MEGF9: variants seen among roughly 807,000 people sequenced by gnomAD.
The protein encoded by MEGF9 is multiple epidermal growth factor-like domains protein 9.
A neutral mutation model predicts 46.8 loss-of-function variants in MEGF9; 6 were observed. That is an observed-to-expected ratio of 0.13 (90% CI 0.07 to 0.25). The LOEUF is 0.25. Ranked by LOEUF, MEGF9 falls within the 10% of genes least tolerant of loss-of-function variation. MEGF9 has a pLI of 1.00. For synonymous variants in MEGF9, 302 were observed against 330.7 expected (o/e 0.91, Z 0.94); for missense variants, 683 against 792.4 (o/e 0.86, Z 1.66).
rs971417928 is a variant in MEGF9, at chr9:120,714,425, A to ACCG, written c.-70_-68dup. 7 of 1,198,378 alleles carry ACCG rather than the reference A, an allele frequency of 5.8e-6. No individual in the cohort carries two copies. The South Asian group carries it at 1.1e-4, about 19-fold the overall frequency. 74.2% of individuals were successfully genotyped at this position (1,198,378 alleles called of 1,614,324 possible). A position where few individuals can be genotyped will look rare whatever the true frequency, so the allele number is the denominator to read the frequency against. ...CAATCCGACCAAGGAAGCCTCCGCA[A>ACCG]CCGCCGCCGCCACCGCCACCGGGCG... On this transcript the variant is annotated 5_prime_UTR_variant, in exon 1 of 6. Transcript: ENST00000373930.
intron 2 of MEGF9, among the ~76,000 whole-genome samples, chr9:120,625,945 GTCTC>G (rs754730232): frequency 6.6e-6 from 1 of 151,634 alleles, no homozygotes; most frequent in Non-Finnish European, 1.5e-5. Flanking sequence ...CCCTTTCATG[GTCTC>G]TCTCTGTTAA....
chr9:120,672,681 GA>G (rs1252789264), intron 1 of MEGF9, among the ~76,000 whole-genome samples: 1 of 151,990 alleles, frequency 6.6e-6, no homozygotes, highest in Non-Finnish European at 1.5e-5. Flanking sequence ...AGCTTATGTA[GA>G]AAAAAATGTT....
chr9:120,607,700 T>C (rs774038445), intron 5 of MEGF9, 41 bp downstream of exon 5: 2 of 1,596,906 alleles, frequency 1.3e-6, no homozygotes, highest in Admixed American at 3.4e-5. Flanking sequence ...TCACTGCTAG[T>C]TTTAGATATT....
intron 1 of MEGF9, among the ~76,000 whole-genome samples, chr9:120,675,101 T>A (rs1242170674): frequency 6.6e-6 from 1 of 152,150 alleles, no homozygotes; most frequent in African/African-American, 2.4e-5. Flanking sequence ...CTCCCAGGTA[T>A]CTACCCAAGA....
rs376092428 is a variant in MEGF9, at chr9:120,612,496, A to G, written c.987T>C (p.Cys329=). 94 of 1,612,248 alleles carry G rather than the reference A, an allele frequency of 5.8e-5. No individual in the cohort carries two copies. The highest frequency in any genetic ancestry group is 7.5e-5 in the Non-Finnish European group (88 of 1,178,910). The change falls in exon 4 of 6, where the codon TGT becomes TGC. Residue 329 remains cysteine, a synonymous_variant. Transcript: ENST00000373930. ...GATAAAATCCTTCTTTACATTCTTCACAGTGATTTCCTTTGCTATTTTCCT... is the reference window on the plus strand; with the variant it reads ...GATAAAATCCTTCTTTACATTCTTCGCAGTGATTTCCTTTGCTATTTTCCT... ...NCQENSKGNH[C]EECKEGFYQS...
intron 1 of MEGF9, among the ~76,000 whole-genome samples, chr9:120,711,995 G>A (rs1196488960): frequency 6.6e-6 from 1 of 152,108 alleles, no homozygotes; most frequent in African/African-American, 2.4e-5. Flanking sequence ...AGTGAATCAT[G>A]CCTGAAATCC....
At chr9:120,616,381 A>C (rs943358165) in intron 3 of MEGF9, among the ~76,000 whole-genome samples, 1 of 152,060 alleles carries the variant, frequency 6.6e-6, no homozygotes, top group African/African-American at 2.4e-5. Context: ...GCAACATAGC[A>C]TTAAAAAATG....
At position 120,659,528 on chromosome 9, in the gene MEGF9, A is replaced by G. The variant is rs778335118; in HGVS notation, c.649T>C (p.Cys217Arg). The change falls in exon 2 of 6, where the codon TGC becomes CGC. Residue 217 changes from cysteine to arginine, a missense_variant. Coordinates refer to ENST00000373930, the MANE Select transcript of MEGF9 (RefSeq NM_001080497.3). ...TCACACTGCCCTGTGGTCTGGTTGC[A>G]GCGATTCACATTCAGGCTTCCAACC... ...SVVGSLNVNR[C>R]NQTTGQCECR... is the part of the protein sequence containing the mutation. 6.7e-5 allele frequency: 108 copies of G among 1,613,478 alleles called. No homozygotes were observed. Among genetic ancestry groups the G allele is most frequent in the Non-Finnish European group, 8.1e-5 (95 of 1,179,738 alleles).
chr9:120,620,028 C>G (rs1241075388), intron 3 of MEGF9, among the ~76,000 whole-genome samples: 1 of 152,210 alleles, frequency 6.6e-6, no homozygotes, highest in Non-Finnish European at 1.5e-5. Context: ...ATTTGCACTC[C>G]TTCACGTTGG....
intron 2 of MEGF9, among the ~76,000 whole-genome samples, chr9:120,632,147 G>A (rs756678265): frequency 3.9e-5 from 6 of 152,046 alleles, no homozygotes; most frequent in Non-Finnish European, 7.4e-5. Context: ...AGATGGTCTT[G>A]ATCTCTTTAC....
At chr9:120,710,424 TAAA>T (rs61674473) in intron 1 of MEGF9, among the ~76,000 whole-genome samples, 1 of 100,000 alleles carries the variant, frequency 1.0e-5, no homozygotes, top group East Asian at 2.8e-4. Flanking sequence ...AACTCCGTCT[TAAA>T]AAAAAAAAAA....
chr9:120,687,158 C>T (rs757613386), intron 1 of MEGF9, among the ~76,000 whole-genome samples: 1 of 152,188 alleles, frequency 6.6e-6, no homozygotes, highest in Non-Finnish European at 1.5e-5. Flanking sequence ...CCAAATCTCT[C>T]ATACATTCCT....
intron 3 of MEGF9, among the ~76,000 whole-genome samples, chr9:120,615,374 T>C (rs1324794966): frequency 6.6e-6 from 1 of 151,214 alleles, no homozygotes; most frequent in Non-Finnish European, 1.5e-5. Context: ...ATATGTTTAC[T>C]ATTTTGGGGC....
At chr9:120,704,333 CAA>C (rs200388073) in intron 1 of MEGF9, among the ~76,000 whole-genome samples, 22 of 122,456 alleles carry the variant, frequency 1.8e-4, no homozygotes, top group African/African-American at 2.1e-4. Flanking sequence ...GACTGTGTCT[CAA>C]AAAAAAAAAA....
intron 1 of MEGF9, 32 bp from the exon 2 acceptor site, chr9:120,659,607 A>G (rs934457542): frequency 2.0e-6 from 3 of 1,510,830 alleles, no homozygotes; most frequent in Non-Finnish European, 2.7e-6. Flanking sequence ...AGACATTACC[A>G]ACTAAGATTT....
chr9:120,704,060 G>A (rs931334924), intron 1 of MEGF9, among the ~76,000 whole-genome samples: 6 of 152,074 alleles, frequency 3.9e-5, no homozygotes, highest in Admixed American at 6.5e-5. Flanking sequence ...GAGGTTGGGC[G>A]CGGTGGCTCA....
At chr9:120,685,681 A>C (rs2043819173) in intron 1 of MEGF9, among the ~76,000 whole-genome samples, 1 of 152,244 alleles carries the variant, frequency 6.6e-6, no homozygotes, top group African/African-American at 2.4e-5. Flanking sequence ...TTCCCAAAAA[A>C]TTAATTTACC....
chr9:120,643,677 T>C (rs1192896103), intron 2 of MEGF9, among the ~76,000 whole-genome samples: 1 of 152,060 alleles, frequency 6.6e-6, no homozygotes, highest in Non-Finnish European at 1.5e-5. Context: ...AATCTACCAT[T>C]CATCCAGCTT....
At chr9:120,710,933 T>C (rs553124216) in intron 1 of MEGF9, among the ~76,000 whole-genome samples, 1 of 152,330 alleles carries the variant, frequency 6.6e-6, no homozygotes, top group African/African-American at 2.4e-5. Flanking sequence ...AAGTACAAAC[T>C]ACCTAATATT....
Sources: allele counts gnomAD v4.1 joint callset (sites outside exome capture counted in the v4.1 genomes callset), GRCh38; gene constraint gnomAD v4.1.1; transcripts MANE v1.5; gene names NCBI Gene and HGNC (gene_info 2026-07-23, HGNC 2026-07-21).